The following TRIM56 variants were observed in gnomAD, a reference collection of about 807,000 sequenced individuals.
TRIM56 encodes the protein E3 ubiquitin-protein ligase TRIM56.
Under a neutral mutation model 17.1 loss-of-function variants are expected in TRIM56, and 10 were observed. That is an observed-to-expected ratio of 0.58 (90% CI 0.36 to 0.99). The LOEUF is 0.99. TRIM56 is among the 50% of genes least tolerant of loss of function. TRIM56 has a pLI of 0.01. For missense variants in TRIM56, 923 were observed against 1,052.3 expected (o/e 0.88, Z 1.70); for synonymous variants, 503 against 473.5 (o/e 1.06, Z -0.81).
rs765379859 is a variant in TRIM56, at chr7:101,089,047, G to A, written c.1735G>A (p.Val579Met). ...RLYLINPNGE[V>M]QWRRALSLSQ... ...CTATCTCATCAACCCCAACGGCGAA[G>A]TGCAGTGGCGCAGGGCCCTGAGCCT... is the stretch of plus-strand genomic sequence containing the variant. The change falls in exon 3 of 3, where the codon GTG becomes ATG. Residue 579 changes from valine (V) to methionine (M), a missense_variant. Coordinates refer to ENST00000306085, the MANE Select transcript of TRIM56 (RefSeq NM_030961.3). 2.0e-5 allele frequency: 32 copies of A among 1,601,550 alleles called. No homozygotes were observed. In the East Asian group the frequency reaches 6.9e-4, roughly 35 times the overall value.
chr7:101,088,607 C>T lies in TRIM56; in HGVS notation c.1295C>T (p.Ala432Val). The change falls in exon 3 of 3, where the codon GCC becomes GTC. Residue 432 changes from alanine to valine, a missense_variant. Around this residue, in one of 3 missense-constraint regions of TRIM56, gnomAD observed 643 missense variants for 665.6 expected, o/e 0.97. Transcript: ENST00000306085. ...EKAQTTREEG[A>V]QTLEEDRAQT... is the part of the protein sequence containing the mutation. ...GCCCAGACAACCCGAGAAGAGGGAG[C>T]CCAGACCTTGGAGGAGGACAGGGCC... 6.2e-7 allele frequency: 1 copy of T among 1,613,304 alleles called. No individual in the cohort carries two copies. Among genetic ancestry groups the T allele is most frequent in the Non-Finnish European group, 8.5e-7 (1 of 1,179,360 alleles).
rs1161129455 is a variant in TRIM56 at position 101,089,179 on chromosome 7, C to T, written c.1867C>T (p.Arg623Trp). Residue 623 changes from arginine to tryptophan, a missense_variant, in exon 3 of 3, where the codon CGG (arginine) becomes TGG (tryptophan). By Grantham distance (101) the Arg-to-Trp change is moderately radical. Coordinates refer to ENST00000306085, the MANE Select transcript of TRIM56 (RefSeq NM_030961.3). The part of the protein sequence containing the change: ...VYNMEGSLAT[R>W]FIPGGKASRG... ...CAATATGGAAGGCAGCCTGGCCACC[C>T]GGTTCATTCCTGGAGGCAAGGCCAG... 9.3e-6 allele frequency: 15 copies of T among 1,612,948 alleles called. No individual in the cohort carries two copies. The highest frequency in any genetic ancestry group is 1.1e-5 in the Non-Finnish European group (13 of 1,179,678).
Position 101,095,049 on chromosome 7 carries a change from A to G in TRIM56, c.*5469A>G, listed in dbSNP as rs1584893151. The G allele has an allele frequency of 6.9e-6, 1 of 145,328 alleles. No individual in the cohort carries two copies. Among genetic ancestry groups the G allele is most frequent in the Non-Finnish European group, 1.5e-5 (1 of 66,414 alleles). 9.0% of individuals were successfully genotyped at this position (145,328 alleles called of 1,614,324 possible). ...TGGACACGGTTCGCATCTGCCTCCC[A>G]AGGCTGGGCTCCGCGTCAAAAAAAA... On this transcript the variant is annotated 3_prime_UTR_variant, in exon 3 of 3. Coordinates refer to ENST00000306085, the MANE Select transcript of TRIM56 (RefSeq NM_030961.3).
chr7:101,090,750 G>A lies in TRIM56; in HGVS notation c.*1170G>A, dbSNP rs1423418522. On this transcript the variant is annotated 3_prime_UTR_variant, in exon 3 of 3. Transcript: ENST00000306085. ...TACCAAGTTATGAGTGTCAGAGCAGGGGAGCCCTCCACGCAGCCACGGAGC... is the reference window on the plus strand; with the variant it reads ...TACCAAGTTATGAGTGTCAGAGCAGAGGAGCCCTCCACGCAGCCACGGAGC... 6.6e-6 allele frequency: 1 copy of A among 151,826 alleles called. No individual in the cohort carries two copies. The highest frequency in any genetic ancestry group is 6.6e-5 in the Admixed American group (1 of 15,214). The allele number at this position is 151,826 out of a possible 1,614,324, so 9.4% of individuals were successfully genotyped here.
Position 101,088,713 on chromosome 7 carries a change from C to G in TRIM56, c.1401C>G (p.Leu467=), listed in dbSNP as rs762056135. The G allele has an allele frequency of 4.3e-6, 7 of 1,613,920 alleles. No homozygotes were observed. The highest frequency in any genetic ancestry group is 1.7e-5 in the Admixed American group (1 of 59,996). The change falls in exon 3 of 3, where the codon CTC becomes CTG. Residue 467 remains leucine, a synonymous_variant. Coordinates refer to ENST00000306085, the MANE Select transcript of TRIM56 (RefSeq NM_030961.3). The part of the protein sequence containing the change: ...PNKKKKFKGR[L]KSISREPSPA... ...AGAAGAAAAAGTTCAAAGGCAGGCT[C>G]AAGTCAATTTCCCGGGAGCCCAGCC... is the stretch of plus-strand genomic sequence containing the variant.
Position 101,089,180 on chromosome 7 carries a change from G to C in TRIM56, c.1868G>C (p.Arg623Pro). ...VYNMEGSLAT[R>P]FIPGGKASRG... is the part of the protein sequence containing the mutation. ...AATATGGAAGGCAGCCTGGCCACCC[G>C]GTTCATTCCTGGAGGCAAGGCCAGC... The change falls in exon 3 of 3, where the codon CGG becomes CCG. Residue 623 changes from arginine to proline, a missense_variant. Physicochemically the swap from Arg to Pro is moderately radical, Grantham distance 103 (BLOSUM62 -2). Coordinates refer to ENST00000306085, the MANE Select transcript of TRIM56 (RefSeq NM_030961.3). 6.2e-7 allele frequency: 1 copy of C among 1,613,020 alleles called. No individual in the cohort carries two copies. The highest frequency in any genetic ancestry group is 8.5e-7 in the Non-Finnish European group (1 of 1,179,710).
Position 101,089,221 on chromosome 7 carries a change from C to T in TRIM56, c.1909C>T (p.Leu637=). 2 of 1,613,730 alleles carry T rather than the reference C, an allele frequency of 1.2e-6. No individual in the cohort carries two copies. The highest frequency in any genetic ancestry group is 1.7e-6 in the Non-Finnish European group (2 of 1,179,750). ...GGKASRGLRA[L]VFLTTSPQGH... ...CAAGGCCAGCCGGGGCCTGCGGGCG[C>T]TGGTGTTTCTGACCACCAGCCCCCA... Residue 637 remains leucine (L), a synonymous_variant, in exon 3 of 3, where the codon CTG becomes TTG. Transcript: ENST00000306085.
At position 101,093,431 on chromosome 7, in the gene TRIM56, A is replaced by G. The variant is rs10275377; in HGVS notation, c.*3851A>G. On this transcript the variant is annotated 3_prime_UTR_variant, in exon 3 of 3. Transcript: ENST00000306085. The stretch of plus-strand genomic sequence containing the variant: ...AAAGCCTTGGTCTCTAATACATGCA[A>G]TGACTAGAACAGTATTTGGTCAAAG... 0.17 allele frequency: 25,361 copies of G among 151,772 alleles called. 3,435 individuals carry two copies. Among genetic ancestry groups the G allele is most frequent in the African/African-American group, 0.38 (15,669 of 41,244 alleles). 9.4% of individuals were successfully genotyped at this position (151,772 alleles called of 1,614,324 possible). A position where few individuals can be genotyped will look rare whatever the true frequency, so the allele number is the denominator to read the frequency against.
chr7:101,085,928 G>C (rs1392340901), intron 1 of TRIM56, among the ~76,000 whole-genome samples: 1 of 152,216 alleles, frequency 6.6e-6, no homozygotes, highest in Non-Finnish European at 1.5e-5. Context: ...AAAGCTAAAA[G>C]AACAGGACTC....
chr7:101,093,488 G>A lies in TRIM56; in HGVS notation c.*3908G>A, dbSNP rs1337279372. On this transcript the variant is annotated 3_prime_UTR_variant, in exon 3 of 3. Transcript: ENST00000306085. ...ATAAGCTCTGTACCCTGGAGGAAAT[G>A]TATGCAGGCAAGGACTAGTAAAATA... 1 of 150,916 alleles carries A rather than the reference G, an allele frequency of 6.6e-6. No homozygotes were observed. Among genetic ancestry groups the A allele is most frequent in the Non-Finnish European group, 1.5e-5 (1 of 67,856 alleles). The allele number at this position is 150,916 out of a possible 1,614,324, so 9.3% of individuals were successfully genotyped here. A position where few individuals can be genotyped will look rare whatever the true frequency, so the allele number is the denominator to read the frequency against.
At position 101,087,854 on chromosome 7, in the gene TRIM56, G is replaced by A; in HGVS notation, c.542G>A (p.Cys181Tyr). 1.2e-6 allele frequency: 2 copies of A among 1,605,158 alleles called. No homozygotes were observed. The highest frequency in any genetic ancestry group is 2.2e-5 in the South Asian group (2 of 90,742). The change falls in exon 3 of 3, where the codon TGC becomes TAC. Residue 181 changes from cysteine to tyrosine, a missense_variant. This residue lies in a region of TRIM56 where 643 missense variants were observed against 665.6 expected (regional missense o/e 0.97). Transcript: ENST00000306085. ...CCCGGGGAGGCACTGCGCTTCCTGT[G>A]CCAGCCCTGCTCACAGTTGCTGTGC... ...QHPGEALRFL[C>Y]QPCSQLLCRE...
In TRIM56 at chr7:101,092,462, C is replaced by G. The variant is rs1795584322; in HGVS notation, c.*2882C>G. The G allele has an allele frequency of 1.8e-5, 3 of 169,782 alleles. No homozygotes were observed. The highest frequency in any genetic ancestry group is 6.3e-5 in the Admixed American group (1 of 15,874). The allele number at this position is 169,782 out of a possible 1,614,324, so 10.5% of individuals were successfully genotyped here. Reference sequence around the variant, plus strand: ...GCGACCCAGTCTGGGAGGTGAGGAGCGTCTCTGCCCAGCCGCCCCGTCTGA... The same window carrying G: ...GCGACCCAGTCTGGGAGGTGAGGAGGGTCTCTGCCCAGCCGCCCCGTCTGA... On this transcript the variant is annotated 3_prime_UTR_variant, in exon 3 of 3. Transcript: ENST00000306085.
Position 101,091,788 on chromosome 7 carries a change from G to A in TRIM56, c.*2208G>A, listed in dbSNP as rs1313375099. On this transcript the variant is annotated 3_prime_UTR_variant, in exon 3 of 3. Transcript: ENST00000306085. ...TCCCTCTCCCTCTCCCTCTCCCCACGGTCTCCCTCTGCCTCTCTTTCCATG... is the reference window on the plus strand; with the variant it reads ...TCCCTCTCCCTCTCCCTCTCCCCACAGTCTCCCTCTGCCTCTCTTTCCATG... The A allele has an allele frequency of 9.0e-6, 4 of 442,658 alleles. No homozygotes were observed. The highest frequency in any genetic ancestry group is 4.1e-5 in the African/African-American group (2 of 48,496). The allele number at this position is 442,658 out of a possible 1,614,324, so 27.4% of individuals were successfully genotyped here.
At position 101,088,941 on chromosome 7, in the gene TRIM56, C is replaced by T. The variant is rs201784896; in HGVS notation, c.1629C>T (p.Thr543=). ...RFSLNGDYKG[T]VPVPEGCSPC... is the part of the protein sequence containing the mutation. The stretch of plus-strand genomic sequence containing the variant: ...CCCTCAACGGCGACTACAAGGGCAC[C>T]GTGCCGGTCCCTGAGGGCTGCTCCC... Residue 543 remains threonine, a synonymous_variant, in exon 3 of 3, where the codon ACC becomes ACT. Coordinates refer to ENST00000306085, the MANE Select transcript of TRIM56 (RefSeq NM_030961.3). 81 of 1,613,494 alleles carry T rather than the reference C, an allele frequency of 5.0e-5. No individual in the cohort carries two copies. Among genetic ancestry groups the T allele is most frequent in the Admixed American group, 4.3e-4 (26 of 60,030 alleles).
chr7:101,088,213 G>A lies in TRIM56; in HGVS notation c.901G>A (p.Val301Met), dbSNP rs914648215. 1.2e-5 allele frequency: 17 copies of A among 1,469,652 alleles called. No individual in the cohort carries two copies. In the East Asian group the frequency reaches 3.7e-4, roughly 32 times the overall value. The allele number at this position is 1,469,652 out of a possible 1,614,324, so 91.0% of individuals were successfully genotyped here. ...GGCGGAGCTTGAGGGCCGGGAGCAG[G>A]TGGCCAGGGCCGCAGCCGCCTTCGC... ...RLAELEGREQ[V>M]ARAAAAFARR... Residue 301 changes from valine (V) to methionine (M), a missense_variant, in exon 3 of 3, where the codon GTG (valine) becomes ATG (methionine). Physicochemically the swap from Val to Met is conservative, Grantham distance 21. Transcript: ENST00000306085.
rs1381671149 is a variant in TRIM56, at chr7:101,089,133, G to T, written c.1821G>T (p.Val607=). The change falls in exon 3 of 3, where the codon GTG becomes GTT. Residue 607 remains valine, a synonymous_variant. Transcript: ENST00000306085. ...LPSGDRVAVS[V]AGHVEVYNME... ...GCGGGGACCGCGTGGCTGTCAGCGT[G>T]GCGGGCCACGTGGAGGTGTACAATA... 3 of 1,607,536 alleles carry T rather than the reference G, an allele frequency of 1.9e-6. No homozygotes were observed. The highest frequency in any genetic ancestry group is 1.3e-5 in the African/African-American group (1 of 75,022).
In TRIM56 at chr7:101,092,522, G is replaced by A. The variant is rs188593103; in HGVS notation, c.*2942G>A. On this transcript the variant is annotated 3_prime_UTR_variant, in exon 3 of 3. Transcript: ENST00000306085. ...AGCCCCTCCGCCTGGCAGCCGCCCC[G>A]TCTGAGAAGTGAGGAGCCCCTCCGC... 2.3e-4 allele frequency: 39 copies of A among 168,892 alleles called. No individual in the cohort carries two copies. Among genetic ancestry groups the A allele is most frequent in the African/African-American group, 8.5e-4 (35 of 41,358 alleles). 10.5% of individuals were successfully genotyped at this position (168,892 alleles called of 1,614,324 possible).
rs1314882984 is a variant in TRIM56 at position 101,097,138 on chromosome 7, G to A, written c.*7558G>A. 2.6e-5 allele frequency: 4 copies of A among 152,202 alleles called. No homozygotes were observed. Among genetic ancestry groups the A allele is most frequent in the Non-Finnish European group, 4.4e-5 (3 of 68,046 alleles). 9.4% of individuals were successfully genotyped at this position (152,202 alleles called of 1,614,324 possible). On this transcript the variant is annotated 3_prime_UTR_variant, in exon 3 of 3. Coordinates refer to ENST00000306085, the MANE Select transcript of TRIM56 (RefSeq NM_030961.3). ...AAATTCTAAGGGGCGAAAGTCCAAG[G>A]CAGAAGTCAAAAGTTTTGCAAGGAA...
rs1424406591 is a variant in TRIM56, at chr7:101,097,884, C to A, written c.*8304C>A. 1 of 151,960 alleles carries A rather than the reference C, an allele frequency of 6.6e-6. No individual in the cohort carries two copies. Among genetic ancestry groups the A allele is most frequent in the Non-Finnish European group, 1.5e-5 (1 of 67,994 alleles). 9.4% of individuals were successfully genotyped at this position (151,960 alleles called of 1,614,324 possible). A position where few individuals can be genotyped will look rare whatever the true frequency, so the allele number is the denominator to read the frequency against. On this transcript the variant is annotated 3_prime_UTR_variant, in exon 3 of 3. Coordinates refer to ENST00000306085, the MANE Select transcript of TRIM56 (RefSeq NM_030961.3). ...CTTTTCTGTGTTTCTTAATAAAGTTCTTTTGAAAAATGGGAACCTTTCTCA... is the reference window on the plus strand; with the variant it reads ...CTTTTCTGTGTTTCTTAATAAAGTTATTTTGAAAAATGGGAACCTTTCTCA...
Sources: allele counts gnomAD v4.1 joint callset (sites outside exome capture counted in the v4.1 genomes callset), GRCh38; gene constraint gnomAD v4.1.1; regional missense constraint gnomAD v4.1.1; transcripts MANE v1.5; gene names NCBI Gene and HGNC (gene_info 2026-07-23, HGNC 2026-07-21).